PCDHA2: variants seen among roughly 807,000 people sequenced by gnomAD.
PCDHA2 encodes protocadherin alpha-2.
In PCDHA2, 58 loss-of-function variants were observed where a neutral mutation model predicts 66.0. The observed-to-expected ratio is 0.88, with a 90% CI of 0.71 to 1.09. PCDHA2 has a LOEUF of 1.09. Among genes scored for constraint, PCDHA2 ranks in the 50% least tolerant of loss-of-function variants. The probability of loss-of-function intolerance (pLI) is 0.00; values close to 1 mark genes in which losing one functional copy is unlikely to be tolerated. For synonymous variants in PCDHA2, 634 were observed against 554.0 expected (o/e 1.14, Z -2.03); for missense variants, 1,267 against 1,242.3 (o/e 1.02, Z -0.30).
chr5:140,855,663 AC>A (rs1363800553), intron 1 of PCDHA2, among the ~76,000 whole-genome samples: 7 of 149,864 alleles, frequency 4.7e-5, no homozygotes, highest in Non-Finnish European at 1.0e-4. Flanking sequence ...GGAAGAAATC[AC>A]TACTCTGAGA....
At chr5:140,881,195 A>G (rs943462031) in intron 1 of PCDHA2, 1 of 173,206 alleles carries the variant, frequency 5.8e-6, no homozygotes, top group Non-Finnish European at 1.1e-5. Context: ...ATATGTTAAC[A>G]TCTTTGTCTA....
chr5:140,814,440 AC>A (rs1317702042), intron 1 of PCDHA2: 1 of 148,476 alleles, frequency 6.7e-6, no homozygotes, highest in Non-Finnish European at 1.5e-5. Flanking sequence ...TTTTGTGGTG[AC>A]CTTTTTTCTT....
intron 1 of PCDHA2, among the ~76,000 whole-genome samples, chr5:140,826,374 T>C (rs1440131639): frequency 6.6e-6 from 1 of 152,198 alleles, no homozygotes; most frequent in Non-Finnish European, 1.5e-5. Context: ...CAATAGAAAG[T>C]CAGTGATAAG....
At chr5:140,869,669 T>C (rs1461591468) in intron 1 of PCDHA2, 49 of 1,613,358 alleles carry the variant, frequency 3.0e-5, no homozygotes, top group Non-Finnish European at 4.1e-5. Context: ...GGTAAGCAGA[T>C]TAAAAGACTG....
At chr5:140,877,467 G>C (rs1554169776) in intron 1 of PCDHA2, 3 of 1,613,752 alleles carry the variant, frequency 1.9e-6, no homozygotes, top group African/African-American at 2.7e-5. Flanking sequence ...CGGCCACGGT[G>C]CTGGTGTCGC....
chr5:140,803,107 T>G (rs950112713), intron 1 of PCDHA2: 7 of 1,613,724 alleles, frequency 4.3e-6, no homozygotes, highest in South Asian at 2.2e-5. Context: ...ACCCGTGCCC[T>G]GGACGAGGTG....
At chr5:140,870,992 T>C (rs782714479) in intron 1 of PCDHA2, 1 of 1,613,478 alleles carries the variant, frequency 6.2e-7, no homozygotes, top group South Asian at 1.1e-5. Context: ...ACGGGCGAGA[T>C]AAGCACAACG....
At chr5:140,875,438 T>C (rs1554167643) in intron 1 of PCDHA2, 1 of 1,568,134 alleles carries the variant, frequency 6.4e-7, no homozygotes, top group Non-Finnish European at 8.6e-7. Flanking sequence ...CCCTTAAAAC[T>C]GATTGTCCCA....
intron 1 of PCDHA2, chr5:140,875,971 C>A (rs17844352): frequency 1.1e-5 from 17 of 1,614,030 alleles, no homozygotes; most frequent in Non-Finnish European, 1.4e-5. Flanking sequence ...CGTAAACTCT[C>A]TTTTGACCTA....
intron 1 of PCDHA2, among the ~76,000 whole-genome samples, chr5:140,956,602 G>T (rs541025327): frequency 2.6e-5 from 4 of 152,212 alleles, no homozygotes. Flanking sequence ...GATATCAGCT[G>T]GAAGTTTTCC....
chr5:140,883,289 C>T, intron 1 of PCDHA2: 2 of 1,614,022 alleles, frequency 1.2e-6, no homozygotes, highest in African/African-American at 1.3e-5. Context: ...GGTGGAAGTA[C>T]TAGATGTAAA....
chr5:140,850,738 G>A lies in PCDHA2; in HGVS notation c.2388+53386G>A. ...GTGTGTTCTAGCGCGGTGGGGAGTT[G>A]GTCGTACTCGCAGCAGAGGAGGCAG... On this transcript the variant is annotated intron_variant, in intron 1 of 3. Transcript: ENST00000526136. 8 of 1,597,962 alleles carry A rather than the reference G, an allele frequency of 5.0e-6. 2 individuals carry two copies. The highest frequency in any genetic ancestry group is 6.9e-6 in the Non-Finnish European group (8 of 1,167,602).
chr5:140,953,002 T>C (rs1019745922), intron 1 of PCDHA2, among the ~76,000 whole-genome samples: 5 of 152,142 alleles, frequency 3.3e-5, no homozygotes, highest in African/African-American at 1.2e-4. Flanking sequence ...ACTCTCTCAC[T>C]ATTATGAGAA....
At chr5:140,946,249 C>T (rs930979647) in intron 1 of PCDHA2, among the ~76,000 whole-genome samples, 2 of 151,896 alleles carry the variant, frequency 1.3e-5, no homozygotes, top group Admixed American at 6.6e-5. Flanking sequence ...CATCATGAAT[C>T]ATCAGAAAAA....
chr5:140,954,750 T>C (rs1045434392), intron 1 of PCDHA2, among the ~76,000 whole-genome samples: 7 of 152,228 alleles, frequency 4.6e-5, no homozygotes, highest in Non-Finnish European at 2.9e-5. Flanking sequence ...TAGTTTCTTT[T>C]GCTGTGCAGA....
chr5:140,994,658 T>C (rs2097643677), intron 3 of PCDHA2, among the ~76,000 whole-genome samples: 1 of 152,024 alleles, frequency 6.6e-6, no homozygotes, highest in African/African-American at 2.4e-5. Flanking sequence ...TGAGCTGAGA[T>C]CACACTACTG....
intron 1 of PCDHA2, chr5:140,808,541 G>A (rs782256529): frequency 1.2e-6 from 2 of 1,614,166 alleles, no homozygotes; most frequent in Non-Finnish European, 1.7e-6. Flanking sequence ...GAACGACAAC[G>A]CTCCGGCGTT....
intron 1 of PCDHA2, chr5:140,966,814 CCGG>C (rs2096057641): frequency 1.9e-6 from 3 of 1,552,444 alleles, no homozygotes; most frequent in Non-Finnish European, 2.6e-6. Flanking sequence ...ATCCACGGCT[CCGG>C]CGGCCCATGC....
intron 1 of PCDHA2, chr5:140,849,034 T>A: frequency 6.3e-7 from 1 of 1,579,556 alleles, no homozygotes; most frequent in Non-Finnish European, 8.6e-7. Context: ...TATTTCTTCC[T>A]GGACGTGCCA....
Sources: allele counts gnomAD v4.1 joint callset (sites outside exome capture counted in the v4.1 genomes callset), GRCh38; gene constraint gnomAD v4.1.1; transcripts MANE v1.5; gene names NCBI Gene and HGNC (gene_info 2026-07-23, HGNC 2026-07-21).